Variants in CCK observed in about 807,000 individuals in gnomAD.
The protein encoded by CCK is cholecystokinin.
A neutral mutation model predicts 10.1 loss-of-function variants in CCK; 11 were observed. The ratio of observed to expected loss-of-function variants is 1.09; its 90% CI spans 0.69 to 1.81. The LOEUF (loss-of-function observed/expected upper bound fraction) is 1.81. CCK is among the 40% of genes most tolerant of loss of function. The pLI is 0.00. For missense variants in CCK, 137 were observed against 159.9 expected, an observed-to-expected ratio of 0.86 and a Z score of 0.77; for synonymous variants, 83 against 71.9, an observed-to-expected ratio of 1.15 and a Z score of -0.78.
intron 4 of CCK, among the ~76,000 whole-genome samples, chr3:42,259,733 T>C (rs935839716): frequency 5.3e-5 from 8 of 152,228 alleles, no homozygotes; most frequent in Non-Finnish European, 1.2e-4. Context: ...GCAGTTTATT[T>C]GGAGACATGA....
Position 42,258,159 on chromosome 3 carries a change from T to C in CCK, c.287A>G (p.Asp96Gly). The C allele has an allele frequency of 1.2e-6, 2 of 1,614,146 alleles. No individual in the cohort carries two copies. Among genetic ancestry groups the C allele is most frequent in the Non-Finnish European group, 1.7e-6 (2 of 1,180,016 alleles). ...LDPSHRISDR[D>G]YMGWMDFGRR... Reference sequence around the variant, plus strand: ...GCCAAAATCCATCCAGCCCATGTAGTCCCGGTCACTTATCCTGTGGCTGGG... The same window carrying C: ...GCCAAAATCCATCCAGCCCATGTAGCCCCGGTCACTTATCCTGTGGCTGGG... Residue 96 changes from aspartate to glycine, a missense_variant, in exon 5 of 5, where the codon GAC becomes GGC. Asp to Gly is a moderately conservative substitution (Grantham distance 94, BLOSUM62 -1). Coordinates refer to ENST00000396169, the MANE Select transcript of CCK (RefSeq NM_000729.6).
intron 3 of CCK, 37 bp from the exon 4 acceptor site, chr3:42,263,669 A>C (rs755685435): frequency 6.7e-7 from 1 of 1,486,088 alleles, no homozygotes; most frequent in Non-Finnish European, 9.0e-7. Flanking sequence ...GTTAACTGAA[A>C]GGCTGGGCAA....
At position 42,264,869 on chromosome 3, in the gene CCK, G is replaced by A. The variant is rs904749951; in HGVS notation, c.-175C>T. ...GCAGACTGGCAGTAACACGTGCTCA[G>A]AGGGCGGCCACTGGGGCGACAACCG... On this transcript the variant is annotated 5_prime_UTR_variant, in exon 3 of 5. Coordinates refer to ENST00000396169, the MANE Select transcript of CCK (RefSeq NM_000729.6). 6.6e-6 allele frequency: 1 copy of A among 152,328 alleles called. No homozygotes were observed. The highest frequency in any genetic ancestry group is 6.5e-5 in the Admixed American group (1 of 15,286). 9.4% of individuals were successfully genotyped at this position (152,328 alleles called of 1,614,324 possible).
intron 1 of CCK, 79 bp downstream of exon 1, chr3:42,265,605 C>G (rs978914281): frequency 1.3e-5 from 2 of 152,344 alleles, no homozygotes; most frequent in East Asian, 1.9e-4. Flanking sequence ...ACCGCACCCC[C>G]GCAAGCTCGG....
intron 4 of CCK, among the ~76,000 whole-genome samples, chr3:42,260,262 T>C (rs1711193101): frequency 6.6e-6 from 1 of 152,094 alleles, no homozygotes; most frequent in Non-Finnish European, 1.5e-5. Flanking sequence ...ATCATTCAGG[T>C]GAAATATTAC....
At chr3:42,262,278 T>C (rs956744368) in intron 4 of CCK, among the ~76,000 whole-genome samples, 2 of 143,192 alleles carry the variant, frequency 1.4e-5, no homozygotes. Flanking sequence ...CAGAGTGCAA[T>C]GGCACAATCT....
At chr3:42,260,708 C>T (rs981700955) in intron 4 of CCK, among the ~76,000 whole-genome samples, 8 of 152,186 alleles carry the variant, frequency 5.3e-5, no homozygotes, top group Non-Finnish European at 1.2e-4. Flanking sequence ...AAGCTAGCCT[C>T]GGGACTGTCT....
chr3:42,260,990 A>C (rs1015234741), intron 4 of CCK, among the ~76,000 whole-genome samples: 2 of 152,186 alleles, frequency 1.3e-5, no homozygotes, highest in African/African-American at 2.4e-5. Context: ...CAGCTTCCAC[A>C]CTGGCAAAAT....
intron 4 of CCK, among the ~76,000 whole-genome samples, chr3:42,260,117 G>A (rs948539816): frequency 9.9e-5 from 15 of 152,174 alleles, no homozygotes; most frequent in South Asian, 6.2e-4. Context: ...ACAGAACAAC[G>A]TCCCCACCCT....
In CCK at chr3:42,266,030, C is replaced by T. The variant is rs1427477343; in HGVS notation, c.-729G>A. The stretch of plus-strand genomic sequence containing the variant: ...CGCCCTCTCCGTGCACCGAGGCCGC[C>T]CAGCCTGGGACCTGGAGATCACCAG... On this transcript the variant is annotated 5_prime_UTR_variant, in exon 1 of 5. Coordinates refer to ENST00000396169, the MANE Select transcript of CCK (RefSeq NM_000729.6). 2 of 152,326 alleles carry T rather than the reference C, an allele frequency of 1.3e-5. No individual in the cohort carries two copies. Among genetic ancestry groups the T allele is most frequent in the African/African-American group, 2.4e-5 (1 of 41,462 alleles). The allele number at this position is 152,326 out of a possible 1,614,324, so 9.4% of individuals were successfully genotyped here.
At chr3:42,258,825 C>T (rs1313764757) in intron 4 of CCK, among the ~76,000 whole-genome samples, 1 of 152,182 alleles carries the variant, frequency 6.6e-6, no homozygotes, top group Non-Finnish European at 1.5e-5. Flanking sequence ...ACCAGAAATA[C>T]CATATGACCC....
intron 3 of CCK, 74 bp from the exon 4 acceptor site, chr3:42,263,706 C>T: frequency 1.4e-6 from 2 of 1,455,908 alleles, no homozygotes; most frequent in Non-Finnish European, 9.1e-7. Context: ...GGCCGGGCAC[C>T]CAGAAGCGGG....
At chr3:42,262,217 CTT>C (rs11298401) in intron 4 of CCK, among the ~76,000 whole-genome samples, 430 of 101,254 alleles carry the variant, frequency 4.2e-3, no homozygotes, top group Middle Eastern at 0.011. Context: ...TTGCTAAGTT[CTT>C]TTTTTTTTTT....
intron 4 of CCK, 132 bp downstream of exon 4, chr3:42,263,285 C>T: frequency 7.2e-7 from 1 of 1,391,768 alleles, no homozygotes; most frequent in Non-Finnish European, 1.0e-6. Flanking sequence ...CTACAAAGGA[C>T]CGCCAGAAAT....
chr3:42,265,370 T>G lies in CCK; in HGVS notation c.-315A>C, dbSNP rs1711272576. The G allele has an allele frequency of 6.6e-6, 1 of 152,310 alleles. No homozygotes were observed. 9.4% of individuals were successfully genotyped at this position (152,310 alleles called of 1,614,324 possible). A position where few individuals can be genotyped will look rare whatever the true frequency, so the allele number is the denominator to read the frequency against. Reference sequence around the variant, plus strand: ...AGTTCTCCAGGTTTCCGAGGGCCAGTGTTCTGGGTCAGTGAAAGGGCTCTG... The same window carrying G: ...AGTTCTCCAGGTTTCCGAGGGCCAGGGTTCTGGGTCAGTGAAAGGGCTCTG... On this transcript the variant is annotated 5_prime_UTR_variant, in exon 2 of 5. Coordinates refer to ENST00000396169, the MANE Select transcript of CCK (RefSeq NM_000729.6).
Position 42,263,591 on chromosome 3 carries a change from G to A in CCK, c.40C>T (p.Leu14=). The change falls in exon 4 of 5, where the codon CTG becomes TTG. Residue 14 remains leucine (L), a synonymous_variant. Transcript: ENST00000396169. The part of the protein sequence containing the change: ...GVCLCVLMAV[L]AAGALTQPVP... Reference sequence around the variant, plus strand: ...GGCTGCGTCAGGGCGCCAGCCGCCAGTACCGCCATCAGCACGCACAGGCAC... The same window carrying A: ...GGCTGCGTCAGGGCGCCAGCCGCCAATACCGCCATCAGCACGCACAGGCAC... The A allele has an allele frequency of 6.2e-7, 1 of 1,607,968 alleles. No homozygotes were observed. The highest frequency in any genetic ancestry group is 8.5e-7 in the Non-Finnish European group (1 of 1,177,080).
At position 42,265,402 on chromosome 3, in the gene CCK, G is replaced by C. The variant is rs1443338937; in HGVS notation, c.-347C>G. ...GGTCAGTGAAAGGGCTCTGGCCACA[G>C]CTGGCTCTTGGTGTCCTGGGCCTCT... On this transcript the variant is annotated 5_prime_UTR_variant, in exon 2 of 5. Transcript: ENST00000396169. 1 of 152,444 alleles carries C rather than the reference G, an allele frequency of 6.6e-6. No individual in the cohort carries two copies. The highest frequency in any genetic ancestry group is 1.5e-5 in the Non-Finnish European group (1 of 68,230). The allele number at this position is 152,444 out of a possible 1,614,324, so 9.4% of individuals were successfully genotyped here.
chr3:42,260,450 C>T lies in CCK; in HGVS notation c.215-2219G>A, dbSNP rs191877302. On this transcript the variant is annotated intron_variant, in intron 4 of 4. Coordinates refer to ENST00000396169, the MANE Select transcript of CCK (RefSeq NM_000729.6). Reference sequence around the variant, plus strand: ...AATACGAGCAAGCAGCCTCAGTTAACGGTGGGGGCACCATGTTCAGTCATG... The same window carrying T: ...AATACGAGCAAGCAGCCTCAGTTAATGGTGGGGGCACCATGTTCAGTCATG... Among the ~76,000 whole-genome samples, 23 of 152,274 alleles carry T rather than the reference C, an allele frequency of 1.5e-4. No individual in the cohort carries two copies. In the East Asian group the frequency reaches 3.9e-3, roughly 26 times the overall value.
At chr3:42,264,401 C>T (rs1711258888) in intron 3 of CCK, among the ~76,000 whole-genome samples, 1 of 152,174 alleles carries the variant, frequency 6.6e-6, no homozygotes, top group African/African-American at 2.4e-5. Flanking sequence ...ATTGCAAAGT[C>T]CCCCGCACCG....
Sources: gnomAD v4.1 joint callset for allele counts (sites outside exome capture counted in the v4.1 genomes callset) on GRCh38, gnomAD v4.1.1 for gene constraint, MANE v1.5 for transcripts, NCBI Gene and HGNC (gene_info 2026-07-23, HGNC 2026-07-21) for gene names.